Variants in FUT9 observed in about 807,000 individuals in gnomAD.
FUT9 encodes the protein fucosyltransferase 9.
Under a neutral mutation model 29.7 loss-of-function variants are expected in FUT9, and 15 were observed. The ratio of observed to expected loss-of-function variants is 0.51; its 90% CI spans 0.34 to 0.78. The LOEUF (loss-of-function observed/expected upper bound fraction) is 0.78, where lower values mean the gene tolerates loss of function less well. FUT9 is among the 30% of genes least tolerant of loss of function. FUT9 has a pLI of 0.01. For synonymous variants in FUT9, 169 were observed against 153.7 expected (o/e 1.10, Z -0.74); for missense variants, 319 against 425.4 (o/e 0.75, Z 2.20).
chr6:96,062,744 G>A (rs536750768), intron 1 of FUT9, among the ~76,000 whole-genome samples: 1 of 152,024 alleles, frequency 6.6e-6, no homozygotes, highest in South Asian at 2.1e-4. Flanking sequence ...ACAATGAGTA[G>A]GTAATGTTTT....
intron 1 of FUT9, among the ~76,000 whole-genome samples, chr6:96,030,873 TA>T (rs1179926027): frequency 6.6e-6 from 1 of 151,350 alleles, no homozygotes; most frequent in Non-Finnish European, 1.5e-5. Context: ...TATACAACAT[TA>T]AAAAAATAAA....
intron 2 of FUT9, among the ~76,000 whole-genome samples, chr6:96,188,397 G>A (rs10457113): frequency 0.14 from 21,582 of 152,018 alleles, 1,739 homozygotes; most frequent in Non-Finnish European, 0.18. Flanking sequence ...CTCCTGAGTA[G>A]CAAGCAATCC....
chr6:96,025,818 C>T (rs1770157851), intron 1 of FUT9, among the ~76,000 whole-genome samples: 1 of 151,600 alleles, frequency 6.6e-6, no homozygotes, highest in Admixed American at 6.6e-5. Flanking sequence ...CACAACTTAA[C>T]ATGAAAGTCT....
chr6:96,163,992 G>T (rs1228492858), intron 2 of FUT9, among the ~76,000 whole-genome samples: 4 of 152,142 alleles, frequency 2.6e-5, no homozygotes, highest in Admixed American at 6.5e-5. Context: ...GACAATATAT[G>T]CCCAAGGTGG....
intron 2 of FUT9, among the ~76,000 whole-genome samples, chr6:96,143,409 G>A (rs992077502): frequency 3.3e-5 from 5 of 152,082 alleles, no homozygotes; most frequent in African/African-American, 9.7e-5. Flanking sequence ...TTGCTTAGTG[G>A]CATAACTCAT....
intron 1 of FUT9, among the ~76,000 whole-genome samples, chr6:96,091,427 A>G (rs540457742): frequency 5.1e-4 from 78 of 152,226 alleles, no homozygotes; most frequent in South Asian, 1.0e-3. Context: ...CAACGCATGA[A>G]TCTTCATTAT....
At chr6:96,067,869 T>C (rs573929320) in intron 1 of FUT9, among the ~76,000 whole-genome samples, 2 of 152,320 alleles carry the variant, frequency 1.3e-5, no homozygotes, top group South Asian at 2.1e-4. Flanking sequence ...TTATAAAATA[T>C]GTAATACGTA....
intron 1 of FUT9, chr6:96,037,411 G>T (rs948194587): frequency 6.6e-6 from 1 of 152,006 alleles, no homozygotes; most frequent in Non-Finnish European, 1.5e-5. Flanking sequence ...TAATAATTCA[G>T]TAAATAAATT....
At chr6:96,055,703 CTTTTTCT>C (rs1562110220) in intron 1 of FUT9, among the ~76,000 whole-genome samples, 2 of 103,644 alleles carry the variant, frequency 1.9e-5, no homozygotes, top group African/African-American at 4.5e-5. Flanking sequence ...TTTTCTATTT[CTTTTTCT>C]TTTTTTTTTT....
At chr6:96,186,375 C>T (rs536947108) in intron 2 of FUT9, among the ~76,000 whole-genome samples, 75 of 152,200 alleles carry the variant, frequency 4.9e-4, no homozygotes, top group African/African-American at 1.8e-3. Flanking sequence ...AAAATTTGGT[C>T]TGATGCAGAA....
rs879880010 is a variant in FUT9 at position 96,200,977 on chromosome 6, C to CT, written c.-8-2160dup. ...CATCTGTGTTCATAAGCACAAATGA[C>CT]TTTTTTTTTTTAAACAAAGTCATAT... On this transcript the variant is annotated intron_variant, in intron 2 of 2. Coordinates refer to ENST00000302103, the MANE Select transcript of FUT9 (RefSeq NM_006581.4). Among the ~76,000 whole-genome samples, 75 of 146,700 alleles carry CT rather than the reference C, an allele frequency of 5.1e-4. No individual in the cohort carries two copies. The East Asian group carries it at 9.1e-3, about 18-fold the overall frequency.
At chr6:96,085,889 T>C in intron 1 of FUT9, among the ~76,000 whole-genome samples, 1 of 152,190 alleles carries the variant, frequency 6.6e-6, no homozygotes, top group African/African-American at 2.4e-5. Context: ...TACCCAGCTT[T>C]CCAACTGACA....
chr6:96,094,582 T>A (rs1771464664), intron 1 of FUT9, among the ~76,000 whole-genome samples: 1 of 152,148 alleles, frequency 6.6e-6, no homozygotes, highest in South Asian at 2.1e-4. Flanking sequence ...GTTGGTACTA[T>A]CAGTGGTTTC....
rs1347242355 is a variant in FUT9, at chr6:96,204,829, C to T, written c.*594C>T. 1 of 166,446 alleles carries T rather than the reference C, an allele frequency of 6.0e-6. No homozygotes were observed. The highest frequency in any genetic ancestry group is 1.5e-5 in the Non-Finnish European group (1 of 68,058). The allele number at this position is 166,446 out of a possible 1,614,324, so 10.3% of individuals were successfully genotyped here. A position where few individuals can be genotyped will look rare whatever the true frequency, so the allele number is the denominator to read the frequency against. ...AGATATGAAGCAGAACTGTTCTATT[C>T]GGGAAGCTATTAGACTTCTCATTTA... On this transcript the variant is annotated 3_prime_UTR_variant, in exon 3 of 3. Transcript: ENST00000302103.
intron 1 of FUT9, among the ~76,000 whole-genome samples, chr6:96,081,415 C>A (rs1771235298): frequency 6.6e-6 from 1 of 151,736 alleles, no homozygotes; most frequent in Non-Finnish European, 1.5e-5. Context: ...GCAATTTACT[C>A]CTTTCTCTCC....
chr6:96,027,194 C>G (rs1455882147), intron 1 of FUT9, among the ~76,000 whole-genome samples: 2 of 151,530 alleles, frequency 1.3e-5, no homozygotes, highest in Admixed American at 6.6e-5. Context: ...GATTTTATAT[C>G]GCTTTTATAC....
At position 96,214,642 on chromosome 6, in the gene FUT9, T is replaced by A. The variant is rs1774003331; in HGVS notation, c.*10407T>A. The A allele has an allele frequency of 6.0e-6, 1 of 166,938 alleles. No individual in the cohort carries two copies. The highest frequency in any genetic ancestry group is 2.4e-5 in the African/African-American group (1 of 41,414). The allele number at this position is 166,938 out of a possible 1,614,324, so 10.3% of individuals were successfully genotyped here. A position where few individuals can be genotyped will look rare whatever the true frequency, so the allele number is the denominator to read the frequency against. On this transcript the variant is annotated 3_prime_UTR_variant, in exon 3 of 3. Transcript: ENST00000302103. ...TACCTGTGCTTTTGAAAGGGCTTAA[T>A]CCCAAACAGGTAATATGTGTGGATC...
intron 1 of FUT9, among the ~76,000 whole-genome samples, chr6:96,023,565 G>T (rs555227532): frequency 1.3e-5 from 2 of 152,016 alleles, no homozygotes; most frequent in South Asian, 4.1e-4. Flanking sequence ...TGGCTATGTT[G>T]TGACTTGATC....
At chr6:96,080,007 T>G (rs1771208877) in intron 1 of FUT9, among the ~76,000 whole-genome samples, 1 of 152,058 alleles carries the variant, frequency 6.6e-6, no homozygotes. Context: ...TATTATTGCT[T>G]TGTACTTGAA....
Sources: gnomAD v4.1 joint callset for allele counts (sites outside exome capture counted in the v4.1 genomes callset) on GRCh38, gnomAD v4.1.1 for gene constraint, MANE v1.5 for transcripts, NCBI Gene and HGNC (gene_info 2026-07-23, HGNC 2026-07-21) for gene names.